The following FAM124A variants were observed in gnomAD, a reference collection of about 807,000 sequenced individuals.
FAM124A encodes the protein protein FAM124A.
Under a neutral mutation model 24.5 loss-of-function variants are expected in FAM124A, and 23 were observed. That is an observed-to-expected ratio of 0.94 (90% CI 0.68 to 1.33). FAM124A has a LOEUF of 1.33. Among genes scored for constraint, FAM124A ranks in the 40% most tolerant of loss-of-function variants. FAM124A has a pLI of 0.00. For synonymous variants in FAM124A, 287 were observed against 314.7 expected (o/e 0.91, Z 0.93); for missense variants, 623 against 722.8 (o/e 0.86, Z 1.58).
At chr13:51,255,542 T>C (rs1375254294) in intron 3 of FAM124A, among the ~76,000 whole-genome samples, 1 of 152,228 alleles carries the variant, frequency 6.6e-6, no homozygotes, top group African/African-American at 2.4e-5. Flanking sequence ...TCATCAATGA[T>C]GTGATTCAGA....
intron 3 of FAM124A, among the ~76,000 whole-genome samples, chr13:51,264,321 T>C (rs1000770029): frequency 3.3e-5 from 5 of 152,230 alleles, no homozygotes; most frequent in African/African-American, 9.6e-5. Flanking sequence ...CATTATCCTG[T>C]AGGATTCCTC....
chr13:51,248,146 T>C (rs1954583481), intron 2 of FAM124A, among the ~76,000 whole-genome samples: 3 of 152,170 alleles, frequency 2.0e-5, no homozygotes, highest in Non-Finnish European at 4.4e-5. Context: ...AGGACATCTC[T>C]CCTGGAAGTC....
At chr13:51,255,045 T>C (rs1002157322) in intron 3 of FAM124A, among the ~76,000 whole-genome samples, 1 of 151,980 alleles carries the variant, frequency 6.6e-6, no homozygotes, top group Non-Finnish European at 1.5e-5. Context: ...TACTCTATAT[T>C]ACATGAAAGG....
At chr13:51,275,747 C>T (rs571467944) in intron 3 of FAM124A, among the ~76,000 whole-genome samples, 74 of 152,268 alleles carry the variant, frequency 4.9e-4, no homozygotes, top group Non-Finnish European at 9.9e-4. Context: ...GGACGTGGAG[C>T]AACTGGAATA....
chr13:51,225,976 C>CTTTTT lies in FAM124A; in HGVS notation c.68+3438_68+3442dup, dbSNP rs780570797. ...ATCTGTAATGTTGCTTGCTTGCTTTCTTTTTTTTTTTTTTTTTTTTTTTTT... is the reference window on the plus strand; with the variant it reads ...ATCTGTAATGTTGCTTGCTTGCTTTCTTTTTTTTTTTTTTTTTTTTTTTTTTTTTT... On this transcript the variant is annotated intron_variant, in intron 1 of 3. Coordinates refer to ENST00000322475, the MANE Select transcript of FAM124A (RefSeq NM_001242312.2). Among the ~76,000 whole-genome samples, 515 of 67,566 alleles carry CTTTTT rather than the reference C, an allele frequency of 7.6e-3. 16 individuals are homozygous for CTTTTT. Among genetic ancestry groups the CTTTTT allele is most frequent in the African/African-American group, 0.013 (174 of 13,372 alleles). 44.3% of individuals were successfully genotyped at this position (67,566 alleles called of 152,430 possible). A position where few individuals can be genotyped will look rare whatever the true frequency, so the allele number is the denominator to read the frequency against.
intron 3 of FAM124A, among the ~76,000 whole-genome samples, chr13:51,264,112 C>T (rs1023230949): frequency 2.6e-5 from 4 of 152,200 alleles, no homozygotes; most frequent in Admixed American, 6.5e-5. Context: ...AGTAGCTATA[C>T]CCATTGGTAC....
intron 2 of FAM124A, among the ~76,000 whole-genome samples, chr13:51,238,329 C>A (rs1174504016): frequency 6.6e-6 from 1 of 152,228 alleles, no homozygotes; most frequent in Non-Finnish European, 1.5e-5. Flanking sequence ...CCTCCTGAGG[C>A]CAGTAAGTTG....
Position 51,235,516 on chromosome 13 carries a change from A to G in FAM124A, c.100+4137A>G, listed in dbSNP as rs78847391. 5.1e-3 allele frequency among the ~76,000 whole-genome samples: 773 copies of G among 152,364 alleles called. 9 individuals carry two copies. Among genetic ancestry groups the G allele is most frequent in the African/African-American group, 0.017 (726 of 41,596 alleles). ...CTTAGAAGGTATTAGGAACTTAAAA[A>G]TTATATTTTTAGGAAAATATGACAT... On this transcript the variant is annotated intron_variant, in intron 2 of 3. Transcript: ENST00000322475.
At chr13:51,228,868 A>G (rs1001398661) in intron 1 of FAM124A, among the ~76,000 whole-genome samples, 3 of 152,252 alleles carry the variant, frequency 2.0e-5, no homozygotes, top group Admixed American at 6.5e-5. Flanking sequence ...AAGAAAATAA[A>G]TATAAAGCCA....
At chr13:51,246,402 G>GGC (rs1555273662) in intron 2 of FAM124A, among the ~76,000 whole-genome samples, 1 of 125,198 alleles carries the variant, frequency 8.0e-6, no homozygotes, top group Non-Finnish European at 1.8e-5. Context: ...TTTCTCGTGG[G>GGC]GTGGGGGGGG....
At chr13:51,262,887 G>A (rs1476091574) in intron 3 of FAM124A, among the ~76,000 whole-genome samples, 1 of 152,222 alleles carries the variant, frequency 6.6e-6, no homozygotes, top group East Asian at 1.9e-4. Context: ...CTCACAGCAG[G>A]CTCTCAATAA....
chr13:51,278,247 T>G (rs933400364), intron 3 of FAM124A, among the ~76,000 whole-genome samples: 2 of 152,154 alleles, frequency 1.3e-5, no homozygotes, highest in Non-Finnish European at 2.9e-5. Context: ...TGTTTCACTC[T>G]AAAAAGGTCC....
chr13:51,226,376 G>A (rs1159687301), intron 1 of FAM124A, among the ~76,000 whole-genome samples: 1 of 152,026 alleles, frequency 6.6e-6, no homozygotes, highest in Non-Finnish European at 1.5e-5. Context: ...TAGGTAGGAG[G>A]CAGGACATCC....
At chr13:51,226,859 C>G (rs1954320445) in intron 1 of FAM124A, among the ~76,000 whole-genome samples, 1 of 152,156 alleles carries the variant, frequency 6.6e-6, no homozygotes. Context: ...ACTGTGAAAC[C>G]TTGATCCAGT....
At chr13:51,231,138 G>C (rs1401630346) in intron 1 of FAM124A, among the ~76,000 whole-genome samples, 1 of 152,192 alleles carries the variant, frequency 6.6e-6, no homozygotes, top group Non-Finnish European at 1.5e-5. Context: ...ACTCACATGA[G>C]AGCCCCCAGA....
At chr13:51,223,257 G>C (rs9568554) in intron 1 of FAM124A, among the ~76,000 whole-genome samples, 6,309 of 151,646 alleles carry the variant, frequency 0.042, 321 homozygotes, top group East Asian at 0.25. Flanking sequence ...CAAACCTTTG[G>C]AGACTAATTA....
At chr13:51,262,631 G>A (rs1324589734) in intron 3 of FAM124A, among the ~76,000 whole-genome samples, 1 of 152,102 alleles carries the variant, frequency 6.6e-6, no homozygotes, top group Non-Finnish European at 1.5e-5. Flanking sequence ...CCATTCAAAC[G>A]GAAGGTCAAA....
intron 2 of FAM124A, among the ~76,000 whole-genome samples, chr13:51,250,708 A>G (rs1461195764): frequency 6.6e-6 from 1 of 151,976 alleles, no homozygotes; most frequent in Non-Finnish European, 1.5e-5. Flanking sequence ...CTTTCCTTCC[A>G]CCCTAACCTC....
chr13:51,232,202 A>G (rs1954384914), intron 2 of FAM124A, among the ~76,000 whole-genome samples: 1 of 152,244 alleles, frequency 6.6e-6, no homozygotes. Context: ...ATTAAAGTAC[A>G]GGTAAATTTA....
Sources: gnomAD v4.1 joint callset for allele counts (sites outside exome capture counted in the v4.1 genomes callset) on GRCh38, gnomAD v4.1.1 for gene constraint, MANE v1.5 for transcripts, NCBI Gene and HGNC (gene_info 2026-07-23, HGNC 2026-07-21) for gene names.